Variants in NKAIN2 observed in about 807,000 individuals in gnomAD.
NKAIN2 encodes sodium/potassium-transporting ATPase subunit beta-1-interacting protein 2.
In NKAIN2, 14 loss-of-function variants were observed where a neutral mutation model predicts 32.6. The ratio of observed to expected loss-of-function variants is 0.43; its 90% CI spans 0.28 to 0.67. The LOEUF (loss-of-function observed/expected upper bound fraction) is 0.67, where lower values mean the gene tolerates loss of function less well. Among genes scored for constraint, NKAIN2 ranks in the 30% least tolerant of loss-of-function variants. NKAIN2 has a pLI of 0.17. For missense variants in NKAIN2, 198 were observed against 258.3 expected (o/e 0.77, Z 1.60); for synonymous variants, 80 against 87.2 (o/e 0.92, Z 0.46).
At chr6:124,293,822 A>G (rs1165507017) in intron 2 of NKAIN2, among the ~76,000 whole-genome samples, 1 of 152,126 alleles carries the variant, frequency 6.6e-6, no homozygotes, top group Non-Finnish European at 1.5e-5. Flanking sequence ...ACGACAGATA[A>G]TATCAAAACA....
intron 4 of NKAIN2, among the ~76,000 whole-genome samples, chr6:124,660,390 G>A (rs1784703630): frequency 6.6e-6 from 1 of 152,146 alleles, no homozygotes; most frequent in Non-Finnish European, 1.5e-5. Context: ...CATAGGGAAT[G>A]TGCTAAAAAA....
At chr6:124,624,477 G>A (rs914328940) in intron 3 of NKAIN2, among the ~76,000 whole-genome samples, 2 of 152,142 alleles carry the variant, frequency 1.3e-5, no homozygotes, top group African/African-American at 2.4e-5. Context: ...GAGTTCAGTT[G>A]TAATGTTTAA....
intron 1 of NKAIN2, among the ~76,000 whole-genome samples, chr6:124,178,690 A>G (rs900550894): frequency 2.6e-5 from 4 of 152,188 alleles, no homozygotes; most frequent in African/African-American, 9.7e-5. Flanking sequence ...AACTAAGGAT[A>G]GTGTGGTTTA....
intron 1 of NKAIN2, among the ~76,000 whole-genome samples, chr6:124,186,730 C>G (rs1162821795): frequency 3.3e-5 from 5 of 152,098 alleles, no homozygotes; most frequent in African/African-American, 1.2e-4. Context: ...AATATGCCTA[C>G]TGTGGAAAAT....
At chr6:124,343,529 G>C (rs1057476268) in intron 2 of NKAIN2, among the ~76,000 whole-genome samples, 88 of 152,080 alleles carry the variant, frequency 5.8e-4, no homozygotes, top group African/African-American at 2.0e-3. Flanking sequence ...CATTCTAACT[G>C]GTGTGAGATG....
chr6:124,779,960 T>C (rs1399993632), intron 4 of NKAIN2, among the ~76,000 whole-genome samples: 2 of 152,182 alleles, frequency 1.3e-5, no homozygotes, highest in South Asian at 2.1e-4. Flanking sequence ...CAAAAGTTAG[T>C]GATAAAATTA....
chr6:124,497,824 T>TAAAA (rs33913104), intron 3 of NKAIN2, among the ~76,000 whole-genome samples: 2,187 of 105,598 alleles, frequency 0.021, 52 homozygotes, highest in African/African-American at 0.053. Flanking sequence ...GAGTAAGGGG[T>TAAAA]AAAAAAAAAA....
rs1786032869 is a variant in NKAIN2 at position 124,124,164 on chromosome 6, A to AT, written c.55-158840dup. On this transcript the variant is annotated intron_variant, in intron 1 of 6. Coordinates refer to ENST00000368417, the MANE Select transcript of NKAIN2 (RefSeq NM_001040214.3). ...TTATTAATTTCTAATTTTAAAAAGC[A>AT]TGGGTTCAGTTGAAACATTACACTG... 2.6e-5 allele frequency among the ~76,000 whole-genome samples: 4 copies of AT among 152,210 alleles called. No homozygotes were observed. The South Asian group carries it at 6.2e-4, about 24-fold the overall frequency.
chr6:124,181,286 T>A (rs1789436080), intron 1 of NKAIN2, among the ~76,000 whole-genome samples: 1 of 151,624 alleles, frequency 6.6e-6, no homozygotes, highest in African/African-American at 2.4e-5. Context: ...GAAATCATTT[T>A]TTTCCTCCTA....
At chr6:124,682,780 T>A (rs1267794421) in intron 4 of NKAIN2, among the ~76,000 whole-genome samples, 1 of 152,176 alleles carries the variant, frequency 6.6e-6, no homozygotes, top group African/African-American at 2.4e-5. Flanking sequence ...ATAAACTCTA[T>A]AAAACAACGT....
At chr6:123,982,187 A>C (rs1778930219) in intron 1 of NKAIN2, among the ~76,000 whole-genome samples, 1 of 152,100 alleles carries the variant, frequency 6.6e-6, no homozygotes, top group African/African-American at 2.4e-5. Flanking sequence ...GATACATGCG[A>C]GGCAGACCCA....
intron 1 of NKAIN2, among the ~76,000 whole-genome samples, chr6:123,995,916 A>G (rs1779603744): frequency 1.3e-5 from 2 of 152,192 alleles, no homozygotes; most frequent in South Asian, 4.1e-4. Flanking sequence ...CATTAATAAA[A>G]TTTATGGTTA....
intron 3 of NKAIN2, among the ~76,000 whole-genome samples, chr6:124,443,536 T>TGTCA (rs1429999235): frequency 1.3e-5 from 2 of 152,108 alleles, no homozygotes; most frequent in Non-Finnish European, 2.9e-5. Flanking sequence ...AGTAGTTTAC[T>TGTCA]GTCATTGACC....
chr6:124,545,782 A>G (rs887942277), intron 3 of NKAIN2, among the ~76,000 whole-genome samples: 1 of 152,094 alleles, frequency 6.6e-6, no homozygotes, highest in Non-Finnish European at 1.5e-5. Flanking sequence ...TGATGGTAAT[A>G]TAATTGGTAA....
At chr6:123,922,997 G>C (rs1775824257) in intron 1 of NKAIN2, among the ~76,000 whole-genome samples, 1 of 152,054 alleles carries the variant, frequency 6.6e-6, no homozygotes, top group South Asian at 2.1e-4. Flanking sequence ...TACATTTGTG[G>C]GCTCTAGAGT....
intron 3 of NKAIN2, among the ~76,000 whole-genome samples, chr6:124,365,423 G>A (rs1346394006): frequency 1.3e-5 from 2 of 151,794 alleles, no homozygotes; most frequent in Non-Finnish European, 3.0e-5. Context: ...TTTAAGGCAG[G>A]AAACATTACT....
At chr6:124,810,622 A>G (rs544789023) in intron 5 of NKAIN2, among the ~76,000 whole-genome samples, 1 of 152,144 alleles carries the variant, frequency 6.6e-6, no homozygotes, top group African/African-American at 2.4e-5. Flanking sequence ...CCTAAAACTT[A>G]AAGTATAATA....
intron 1 of NKAIN2, among the ~76,000 whole-genome samples, chr6:124,152,105 A>G (rs1275347846): frequency 6.6e-6 from 1 of 151,956 alleles, no homozygotes; most frequent in African/African-American, 2.4e-5. Flanking sequence ...ATTTAAATTT[A>G]TGATCTATCT....
chr6:124,355,562 G>A (rs1006858717), intron 3 of NKAIN2, among the ~76,000 whole-genome samples: 1 of 152,106 alleles, frequency 6.6e-6, no homozygotes, highest in African/African-American at 2.4e-5. Context: ...TAAGTGAACT[G>A]TTGCTTATTA....
Sources: gnomAD v4.1 joint callset for allele counts (sites outside exome capture counted in the v4.1 genomes callset) on GRCh38, gnomAD v4.1.1 for gene constraint, MANE v1.5 for transcripts, NCBI Gene and HGNC (gene_info 2026-07-23, HGNC 2026-07-21) for gene names.